Variants in NDUFAF6 observed in about 807,000 individuals in gnomAD.
NDUFAF6 encodes the protein NADH:ubiquinone oxidoreductase complex assembly factor 6.
NDUFAF6 carries 45 observed loss-of-function variants against 40.8 expected under a neutral mutation model. The ratio of observed to expected loss-of-function variants is 1.10; its 90% CI spans 0.87 to 1.42. The LOEUF (loss-of-function observed/expected upper bound fraction) is 1.42. Among genes scored for constraint, NDUFAF6 ranks in the 40% most tolerant of loss-of-function variants. The pLI is 0.00. For synonymous variants in NDUFAF6, 185 were observed against 155.9 expected (o/e 1.19, Z -1.39); for missense variants, 435 against 418.5 (o/e 1.04, Z -0.34).
chr8:94,974,311 A>C (rs949641561), intron 1 of NDUFAF6, among the ~76,000 whole-genome samples: 2 of 151,884 alleles, frequency 1.3e-5, no homozygotes, highest in Non-Finnish European at 2.9e-5. Flanking sequence ...ACACGGAAAA[A>C]TATAATGACC....
rs573819597 is a variant in NDUFAF6 at position 95,070,720 on chromosome 8, G to A, written c.*512-4913G>A. Among the ~76,000 whole-genome samples, 6 of 152,170 alleles carry A rather than the reference G, an allele frequency of 3.9e-5. No homozygotes were observed. The South Asian group carries it at 8.3e-4, about 21-fold the overall frequency. On this transcript the variant is annotated intron_variant and NMD_transcript_variant, in intron 9 of 9. Coordinates refer to the NDUFAF6 transcript ENST00000520757. ...GATAATATATACTAAAACCATTAAC[G>A]TCACACATAAGGATTATAATATATC...
upstream of NDUFAF6, chr8:95,023,093 A>C (rs1456516930): frequency 6.6e-6 from 1 of 152,226 alleles, no homozygotes; most frequent in Non-Finnish European, 1.5e-5. Context: ...TTAGAAGCTT[A>C]ATTAACTTTA....
chr8:94,991,769 A>G (rs1274135678), intron 2 of NDUFAF6, among the ~76,000 whole-genome samples: 2 of 149,216 alleles, frequency 1.3e-5, no homozygotes, highest in East Asian at 3.9e-4. Context: ...TTTCCATATC[A>G]GTACAAGGAG....
chr8:95,045,574 T>A lies in NDUFAF6; in HGVS notation c.507T>A (p.Arg169=). Residue 169 remains arginine (R), a synonymous_variant, in exon 5 of 9, where the codon CGT becomes CGA. Transcript: ENST00000396124. Reference sequence around the variant, plus strand: ...AAAATCTGGATGACAAAGCATATCGTAATATCAAGGAACTGGAAAATTATG... The same window carrying A: ...AAAATCTGGATGACAAAGCATATCGAAATATCAAGGAACTGGAAAATTATG... ...REKNLDDKAY[R]NIKELENYAE... 1 of 1,613,490 alleles carries A rather than the reference T, an allele frequency of 6.2e-7. No homozygotes were observed. Among genetic ancestry groups the A allele is most frequent in the South Asian group, 1.1e-5 (1 of 91,076 alleles).
At chr8:95,084,623 A>AC (rs1445680225) in intron 2 of NDUFAF6, among the ~76,000 whole-genome samples, 2 of 152,178 alleles carry the variant, frequency 1.3e-5, no homozygotes, top group Non-Finnish European at 2.9e-5. Context: ...ATCCTTGGGT[A>AC]CCAATTCCAT....
rs764065831 is a variant in NDUFAF6 at position 95,047,127 on chromosome 8, GGTAAGGCT to G, written c.714+5_714+12del. On this transcript the variant is annotated splice_donor_variant and splice_donor_5th_base_variant and intron_variant, in intron 6 of 8. Transcript: ENST00000396124. LOFTEE classifies it high-confidence loss of function. ...TCCTTCCCATGGATATTTGTATGCT[GGTAAGGCT>G]GTAATTTGTACCTTTGAATAATTTA... The G allele has an allele frequency of 6.2e-7, 1 of 1,614,018 alleles. No individual in the cohort carries two copies. Among genetic ancestry groups the G allele is most frequent in the Non-Finnish European group, 8.5e-7 (1 of 1,180,024 alleles).
At chr8:94,943,131 G>T (rs1452018512) in intron 1 of NDUFAF6, among the ~76,000 whole-genome samples, 1 of 152,204 alleles carries the variant, frequency 6.6e-6, no homozygotes, top group East Asian at 1.9e-4. Context: ...GAGCTCAGGA[G>T]TGTGGTCTCA....
At chr8:95,053,813 A>C (rs1318864106) in intron 8 of NDUFAF6, among the ~76,000 whole-genome samples, 1 of 150,422 alleles carries the variant, frequency 6.6e-6, no homozygotes, top group Non-Finnish European at 1.5e-5. Context: ...TTTTTAGTAG[A>C]GACAGGTTTT....
At chr8:94,900,044 A>G (rs1347596784) in intron 1 of NDUFAF6, among the ~76,000 whole-genome samples, 3 of 152,144 alleles carry the variant, frequency 2.0e-5, no homozygotes. Flanking sequence ...ATTAATACTC[A>G]AACACTGCCT....
At chr8:95,032,961 G>C (rs1255215831) in intron 2 of NDUFAF6, among the ~76,000 whole-genome samples, 1 of 152,148 alleles carries the variant, frequency 6.6e-6, no homozygotes, top group African/African-American at 2.4e-5. Context: ...AGTGTAAACT[G>C]TACATAAGCA....
chr8:94,931,036 G>A (rs544754679), intron 1 of NDUFAF6, among the ~76,000 whole-genome samples: 11 of 152,188 alleles, frequency 7.2e-5, no homozygotes, highest in African/African-American at 2.7e-4. Context: ...ATATAAGCTT[G>A]TCTGGGAGGG....
At chr8:95,071,176 G>GTCAGGAA (rs995911910) in intron 9 of NDUFAF6, among the ~76,000 whole-genome samples, 13 of 151,782 alleles carry the variant, frequency 8.6e-5, no homozygotes, top group African/African-American at 3.1e-4. Flanking sequence ...GGATCACGAG[G>GTCAGGAA]TCAGGAAATC....
At chr8:95,094,978 G>T (rs1277948685) in intron 2 of NDUFAF6, among the ~76,000 whole-genome samples, 2 of 151,406 alleles carry the variant, frequency 1.3e-5, no homozygotes, top group Non-Finnish European at 2.9e-5. Context: ...TGTTGCCCAG[G>T]TTGGTCTTGA....
chr8:94,909,838 A>G (rs927015771), intron 1 of NDUFAF6, among the ~76,000 whole-genome samples: 1 of 151,454 alleles, frequency 6.6e-6, no homozygotes, highest in Non-Finnish European at 1.5e-5. Flanking sequence ...ACATATATAT[A>G]TATAAAAGAA....
At chr8:95,097,642 T>G (rs1010233223), upstream of NDUFAF6, among the ~76,000 whole-genome samples, 1 of 152,176 alleles carries the variant, frequency 6.6e-6, no homozygotes, top group Non-Finnish European at 1.5e-5. Flanking sequence ...GAGGTTGCAG[T>G]GAACTGAGAT....
At chr8:94,940,892 G>C (rs747498350) in intron 1 of NDUFAF6, 2 of 1,613,652 alleles carry the variant, frequency 1.2e-6, no homozygotes, top group Non-Finnish European at 1.7e-6. Context: ...TTCTTGGTTG[G>C]AGGAAGAACT....
chr8:95,022,403 T>C (rs1250729400), upstream of NDUFAF6, among the ~76,000 whole-genome samples: 1 of 151,750 alleles, frequency 6.6e-6, no homozygotes, highest in African/African-American at 2.4e-5. Flanking sequence ...AAGAGTTTAC[T>C]ACTAGAACAT....
At chr8:95,023,488 C>T (rs1827783574), upstream of NDUFAF6, among the ~76,000 whole-genome samples, 1 of 152,168 alleles carries the variant, frequency 6.6e-6, no homozygotes, top group Non-Finnish European at 1.5e-5. Flanking sequence ...CATGGACGGA[C>T]TGCATATAAC....
chr8:95,057,967 A>G lies in NDUFAF6; in HGVS notation c.*30A>G. 2 of 1,498,118 alleles carry G rather than the reference A, an allele frequency of 1.3e-6. No homozygotes were observed. Among genetic ancestry groups the G allele is most frequent in the Non-Finnish European group, 1.9e-6 (2 of 1,080,704 alleles). 92.8% of individuals were successfully genotyped at this position (1,498,118 alleles called of 1,614,324 possible). A position where few individuals can be genotyped will look rare whatever the true frequency, so the allele number is the denominator to read the frequency against. Reference sequence around the variant, plus strand: ...ATTTCATGGCATTGATGTTAATTCTAGTCTATTAGTTTTATAAAAGTTAGG... The same window carrying G: ...ATTTCATGGCATTGATGTTAATTCTGGTCTATTAGTTTTATAAAAGTTAGG... On this transcript the variant is annotated 3_prime_UTR_variant, in exon 9 of 9. Coordinates refer to ENST00000396124, the MANE Select transcript of NDUFAF6 (RefSeq NM_152416.4).
Sources: gnomAD v4.1 joint callset for allele counts (sites outside exome capture counted in the v4.1 genomes callset) on GRCh38, gnomAD v4.1.1 for gene constraint, MANE v1.5 for transcripts, NCBI Gene and HGNC (gene_info 2026-07-23, HGNC 2026-07-21) for gene names.